The following PALLD variants were observed in gnomAD, a reference collection of about 807,000 sequenced individuals.
PALLD encodes the protein palladin, cytoskeletal associated protein.
In PALLD, 61 loss-of-function variants were observed where a neutral mutation model predicts 123.5. The observed-to-expected ratio is 0.49, with a 90% CI of 0.40 to 0.61. The LOEUF is 0.61. Among genes scored for constraint, PALLD ranks in the 20% least tolerant of loss-of-function variants. The pLI, the probability that PALLD is intolerant of heterozygous loss-of-function variation, is 0.00. For synonymous variants in PALLD, 465 were observed against 496.4 expected (o/e 0.94, Z 0.84); for missense variants, 1,273 against 1,377.0 (o/e 0.92, Z 1.20).
At chr4:168,704,827 G>A (rs1784076487) in intron 8 of PALLD, among the ~76,000 whole-genome samples, 1 of 152,006 alleles carries the variant, frequency 6.6e-6, no homozygotes, top group Non-Finnish European at 1.5e-5. Context: ...AGGAGGGGTT[G>A]CAAAGCTATC....
chr4:168,814,110 G>A (rs1268653596), intron 10 of PALLD, among the ~76,000 whole-genome samples: 2 of 152,146 alleles, frequency 1.3e-5, no homozygotes, highest in Non-Finnish European at 2.9e-5. Flanking sequence ...CAGCATTTTT[G>A]AGACGTTCCA....
Position 168,926,457 on chromosome 4 carries a change from A to C in PALLD, c.*277A>C. 9.2e-7 allele frequency: 1 copy of C among 1,086,786 alleles called. No individual in the cohort carries two copies. The highest frequency in any genetic ancestry group is 1.3e-6 in the Non-Finnish European group (1 of 746,852). 67.3% of individuals were successfully genotyped at this position (1,086,786 alleles called of 1,614,324 possible). A position where few individuals can be genotyped will look rare whatever the true frequency, so the allele number is the denominator to read the frequency against. ...GACCAACATATTCCTTTGTCACATT[A>C]TGTAAAAGGCAGAAACATACCTTTG... is the stretch of plus-strand genomic sequence containing the variant. On this transcript the variant is annotated 3_prime_UTR_variant, in exon 22 of 22. Transcript: ENST00000505667.
chr4:168,677,451 A>G (rs1780974611), intron 3 of PALLD, among the ~76,000 whole-genome samples: 1 of 152,130 alleles, frequency 6.6e-6, no homozygotes, highest in Non-Finnish European at 1.5e-5. Context: ...TCCTTTGAAA[A>G]TCAGCTGGAA....
At chr4:168,698,459 G>T (rs1783364333) in intron 8 of PALLD, among the ~76,000 whole-genome samples, 2 of 152,034 alleles carry the variant, frequency 1.3e-5, no homozygotes, top group South Asian at 4.2e-4. Flanking sequence ...ATTTCACACT[G>T]CATGCCCTTA....
chr4:168,680,229 G>A (rs1478883552), intron 3 of PALLD, among the ~76,000 whole-genome samples: 1 of 151,708 alleles, frequency 6.6e-6, no homozygotes, highest in Non-Finnish European at 1.5e-5. Flanking sequence ...TGTAATCCCA[G>A]CACTTTGGGA....
chr4:168,604,343 C>T (rs931512402), intron 2 of PALLD, among the ~76,000 whole-genome samples: 3 of 152,176 alleles, frequency 2.0e-5, no homozygotes, highest in Non-Finnish European at 4.4e-5. Context: ...AAGAAATGTA[C>T]CTAACCAAAG....
At chr4:168,798,024 A>G (rs1738770175) in intron 10 of PALLD, among the ~76,000 whole-genome samples, 1 of 152,208 alleles carries the variant, frequency 6.6e-6, no homozygotes, top group South Asian at 2.1e-4. Flanking sequence ...AAAATTGCAC[A>G]CAAACAAGCC....
At chr4:168,497,714 G>C (rs554041231) in intron 1 of PALLD, among the ~76,000 whole-genome samples, 1 of 152,294 alleles carries the variant, frequency 6.6e-6, no homozygotes, top group South Asian at 2.1e-4. Context: ...GATAGTAACA[G>C]CAGGTATTTT....
intron 10 of PALLD, among the ~76,000 whole-genome samples, chr4:168,889,500 T>C (rs1753858881): frequency 6.6e-6 from 1 of 152,044 alleles, no homozygotes; most frequent in South Asian, 2.1e-4. Context: ...TATCTTATCA[T>C]GAACTATGTA....
intron 10 of PALLD, 147 bp from the exon 11 acceptor site, chr4:168,890,775 T>C (rs956182391): frequency 2.7e-5 from 23 of 848,984 alleles, no homozygotes; most frequent in Non-Finnish European, 4.2e-5. Context: ...TTCATGGTTC[T>C]TTCCATCATA....
intron 10 of PALLD, among the ~76,000 whole-genome samples, chr4:168,877,243 C>A (rs1462393658): frequency 6.6e-6 from 1 of 152,186 alleles, no homozygotes; most frequent in African/African-American, 2.4e-5. Flanking sequence ...GTAGAGTTGA[C>A]AGCACTGAAA....
In PALLD at chr4:168,643,169, C is replaced by A. The variant is rs568542274; in HGVS notation, c.909-25021C>A. 3.9e-5 allele frequency among the ~76,000 whole-genome samples: 6 copies of A among 152,278 alleles called. No individual in the cohort carries two copies. The South Asian group carries it at 1.2e-3, about 32-fold the overall frequency. ...GAGAGCATTATGGCAAAATTCTATA[C>A]CCTATCCTTAATTAGATCAAGTTAA... On this transcript the variant is annotated intron_variant, in intron 2 of 21. Transcript: ENST00000505667.
intron 10 of PALLD, among the ~76,000 whole-genome samples, chr4:168,751,420 TC>T (rs1447105608): frequency 2.0e-5 from 3 of 152,184 alleles, no homozygotes; most frequent in African/African-American, 7.2e-5. Context: ...CTAAAATCTA[TC>T]CAGTGTAGAT....
At chr4:168,565,382 G>A (rs1055183735) in intron 2 of PALLD, among the ~76,000 whole-genome samples, 2 of 152,198 alleles carry the variant, frequency 1.3e-5, no homozygotes, top group African/African-American at 4.8e-5. Flanking sequence ...CATGTGATGA[G>A]TGCAGCACAG....
At chr4:168,924,499 G>A in intron 19 of PALLD, 79 bp downstream of exon 19, 1 of 1,317,084 alleles carries the variant, frequency 7.6e-7, no homozygotes, top group Non-Finnish European at 1.1e-6. Flanking sequence ...TATATAGCAT[G>A]GAAATCTATG....
At chr4:168,653,380 G>C (rs1424345553) in intron 2 of PALLD, among the ~76,000 whole-genome samples, 1 of 152,160 alleles carries the variant, frequency 6.6e-6, no homozygotes, top group East Asian at 1.9e-4. Flanking sequence ...ATATAGGATG[G>C]ACCTCTCCAC....
intron 2 of PALLD, among the ~76,000 whole-genome samples, chr4:168,638,657 C>G (rs1776587021): frequency 6.6e-6 from 1 of 152,188 alleles, no homozygotes; most frequent in African/African-American, 2.4e-5. Context: ...GGCCCACTTT[C>G]TGGTTCATAG....
In PALLD at chr4:168,785,844, G is replaced by GATATATATATAT. The variant is rs1230880749; in HGVS notation, c.1964+73922_1964+73923insTATATATATATA. Among the ~76,000 whole-genome samples the GATATATATATAT allele has an allele frequency of 2.1e-3, 114 of 53,192 alleles. 3 individuals carry two copies. Among genetic ancestry groups the GATATATATATAT allele is most frequent in the African/African-American group, 3.7e-3 (66 of 17,644 alleles). 34.9% of individuals were successfully genotyped at this position (53,192 alleles called of 152,430 possible). On this transcript the variant is annotated intron_variant, in intron 10 of 21. Transcript: ENST00000505667. ...ACAGAGTCAGTTCTAATAAACTGTA[G>GATATATATATAT]AGATATATATATATATATATATATA...
chr4:168,887,359 G>C (rs1372253245), intron 10 of PALLD, among the ~76,000 whole-genome samples: 2 of 152,082 alleles, frequency 1.3e-5, no homozygotes, highest in Non-Finnish European at 2.9e-5. Flanking sequence ...GTATTTTCTT[G>C]TCCAAGGGAA....
Sources: gnomAD v4.1 joint callset for allele counts (sites outside exome capture counted in the v4.1 genomes callset) on GRCh38, gnomAD v4.1.1 for gene constraint, MANE v1.5 for transcripts, NCBI Gene and HGNC (gene_info 2026-07-23, HGNC 2026-07-21) for gene names.